The following RAD51B variants were observed in gnomAD, a reference collection of about 807,000 sequenced individuals.
The protein encoded by RAD51B is DNA repair protein RAD51 homolog 2.
In RAD51B, 38 loss-of-function variants were observed where a neutral mutation model predicts 42.2. That is an observed-to-expected ratio of 0.90 (90% CI 0.70 to 1.18). The LOEUF (loss-of-function observed/expected upper bound fraction) is 1.18. Among genes scored for constraint, RAD51B ranks in the 50% most tolerant of loss-of-function variants. The probability of loss-of-function intolerance (pLI) is 0.00; values close to 1 mark genes in which losing one functional copy is unlikely to be tolerated. For missense variants in RAD51B, 373 were observed against 400.7 expected, an observed-to-expected ratio of 0.93 and a Z score of 0.59; for synonymous variants, 154 against 145.2, an observed-to-expected ratio of 1.06 and a Z score of -0.43.
chr14:68,562,982 T>A, intron 10 of RAD51B: 1 of 985,450 alleles, frequency 1.0e-6, no homozygotes, highest in African/African-American at 1.7e-5. Flanking sequence ...AGGCCCGGGC[T>A]GCTGCCGGTC....
At chr14:68,246,882 T>C (rs1373951478) in intron 7 of RAD51B, among the ~76,000 whole-genome samples, 1 of 152,228 alleles carries the variant, frequency 6.6e-6, no homozygotes, top group Non-Finnish European at 1.5e-5. Context: ...AGCCTGTTTG[T>C]TTTAGCCCGC....
At chr14:68,284,166 G>A (rs1197883276) in intron 7 of RAD51B, among the ~76,000 whole-genome samples, 1 of 152,192 alleles carries the variant, frequency 6.6e-6, no homozygotes, top group East Asian at 1.9e-4. Flanking sequence ...TTTCCTCAGG[G>A]CTGATAATAA....
intron 8 of RAD51B, among the ~76,000 whole-genome samples, chr14:68,365,540 C>T (rs149062741): frequency 6.6e-6 from 1 of 152,204 alleles, no homozygotes; most frequent in Non-Finnish European, 1.5e-5. Context: ...TTTTCCAAAA[C>T]CACATGAGGA....
intron 10 of RAD51B, among the ~76,000 whole-genome samples, chr14:68,571,598 C>T (rs569358171): frequency 6.6e-6 from 1 of 152,264 alleles, no homozygotes; most frequent in Admixed American, 6.5e-5. Context: ...CTTGTGATTA[C>T]GTTGGGCCAG....
At chr14:67,900,437 C>G (rs1566948890) in intron 7 of RAD51B, among the ~76,000 whole-genome samples, 1 of 152,056 alleles carries the variant, frequency 6.6e-6, no homozygotes, top group African/African-American at 2.4e-5. Context: ...TTTATGAAGA[C>G]ACAATACATG....
At chr14:68,137,401 A>G (rs943540611) in intron 7 of RAD51B, among the ~76,000 whole-genome samples, 1 of 152,216 alleles carries the variant, frequency 6.6e-6, no homozygotes, top group African/African-American at 2.4e-5. Flanking sequence ...ACCCAAATTT[A>G]TTATTTTATA....
intron 4 of RAD51B, among the ~76,000 whole-genome samples, chr14:67,851,073 T>C (rs899748626): frequency 2.0e-5 from 3 of 151,930 alleles, no homozygotes; most frequent in African/African-American, 7.3e-5. Context: ...AAGAGCGGGG[T>C]TGGGGGACTC....
intron 9 of RAD51B, among the ~76,000 whole-genome samples, chr14:68,463,198 T>C (rs576289367): frequency 1.3e-5 from 2 of 152,266 alleles, no homozygotes; most frequent in South Asian, 4.1e-4. Context: ...GGATAGTTTA[T>C]AGTTTGAATG....
chr14:67,930,628 T>G (rs2044693702), intron 7 of RAD51B, among the ~76,000 whole-genome samples: 1 of 152,208 alleles, frequency 6.6e-6, no homozygotes, highest in African/African-American at 2.4e-5. Flanking sequence ...ACTTTTCTCC[T>G]TGTCATTGAC....
At chr14:68,432,127 A>G (rs2085024579) in intron 9 of RAD51B, among the ~76,000 whole-genome samples, 1 of 152,118 alleles carries the variant, frequency 6.6e-6, no homozygotes, top group South Asian at 2.1e-4. Context: ...AGTTTGTTAT[A>G]ATTTCTGTTC....
intron 7 of RAD51B, among the ~76,000 whole-genome samples, chr14:68,282,513 T>C (rs910211757): frequency 6.6e-6 from 1 of 152,222 alleles, no homozygotes; most frequent in Non-Finnish European, 1.5e-5. Context: ...TCTATATTGA[T>C]GTCATTTCTT....
intron 7 of RAD51B, among the ~76,000 whole-genome samples, chr14:68,140,981 A>T (rs992665364): frequency 1.3e-5 from 2 of 152,204 alleles, no homozygotes; most frequent in African/African-American, 4.8e-5. Flanking sequence ...TTTATCATCA[A>T]AACTAGGATA....
intron 7 of RAD51B, among the ~76,000 whole-genome samples, chr14:68,258,976 C>T (rs1163683462): frequency 1.3e-5 from 2 of 152,110 alleles, no homozygotes; most frequent in African/African-American, 4.8e-5. Flanking sequence ...ACCAGAGTGA[C>T]CTGTCCCTAG....
At chr14:68,468,451 G>C (rs1233710208) in intron 10 of RAD51B, 2 of 694,148 alleles carry the variant, frequency 2.9e-6, no homozygotes, top group Admixed American at 3.8e-5. Flanking sequence ...ATTGAGGTAG[G>C]GCCGAAGGAG....
intron 7 of RAD51B, among the ~76,000 whole-genome samples, chr14:68,256,412 C>T (rs1053839898): frequency 1.8e-4 from 28 of 152,306 alleles, no homozygotes; most frequent in Admixed American, 1.7e-3. Context: ...AAGGTGTCAT[C>T]TAATTTGATG....
At chr14:68,110,324 G>A (rs1050021053) in intron 7 of RAD51B, among the ~76,000 whole-genome samples, 1 of 151,854 alleles carries the variant, frequency 6.6e-6, no homozygotes, top group Non-Finnish European at 1.5e-5. Flanking sequence ...TGTGTCAAAA[G>A]GAACTGAAAG....
At chr14:68,194,513 A>G (rs2079330367) in intron 7 of RAD51B, among the ~76,000 whole-genome samples, 1 of 152,214 alleles carries the variant, frequency 6.6e-6, no homozygotes, top group Non-Finnish European at 1.5e-5. Context: ...CTAACTACAA[A>G]CCAGAAGGCC....
At chr14:68,222,836 T>C (rs557198195) in intron 7 of RAD51B, among the ~76,000 whole-genome samples, 2 of 152,206 alleles carry the variant, frequency 1.3e-5, no homozygotes, top group African/African-American at 4.8e-5. Flanking sequence ...TGTTGACTCG[T>C]TATCTCTTAC....
At chr14:68,334,081 C>T (rs1447596379) in intron 8 of RAD51B, among the ~76,000 whole-genome samples, 4 of 152,038 alleles carry the variant, frequency 2.6e-5, no homozygotes, top group Non-Finnish European at 4.4e-5. Flanking sequence ...CTTCCAGGTT[C>T]ATCTATATTG....
Sources: allele counts gnomAD v4.1 joint callset (sites outside exome capture counted in the v4.1 genomes callset), GRCh38; gene constraint gnomAD v4.1.1; transcripts MANE v1.5; gene names NCBI Gene and HGNC (gene_info 2026-07-23, HGNC 2026-07-21).